RIOX2: variants seen among roughly 807,000 people sequenced by gnomAD.
RIOX2 encodes 60S ribosomal protein L27a histidine hydroxylase.
RIOX2 carries 43 observed loss-of-function variants against 51.2 expected under a neutral mutation model. The observed-to-expected ratio is 0.84, with a 90% confidence interval of 0.66 to 1.08. The LOEUF (loss-of-function observed/expected upper bound fraction) is 1.08. RIOX2 is among the 50% of genes least tolerant of loss of function. The pLI is 0.00. For missense variants in RIOX2, 566 were observed against 561.7 expected, an observed-to-expected ratio of 1.01 and a Z score of -0.08; for synonymous variants, 226 against 218.5, an observed-to-expected ratio of 1.03 and a Z score of -0.30.
rs1049912104 is a variant in RIOX2 at position 97,944,546 on chromosome 3, G to A, written c.*638C>T. On this transcript the variant is annotated 3_prime_UTR_variant, in exon 10 of 10. Transcript: ENST00000394198. ...AAATAACAATGACTATTTTAAACTCGAAGACCCACTATTTTGAGTATTTTT... is the reference window on the plus strand; with the variant it reads ...AAATAACAATGACTATTTTAAACTCAAAGACCCACTATTTTGAGTATTTTT... The A allele has an allele frequency of 2.0e-5, 3 of 152,090 alleles. No homozygotes were observed. The highest frequency in any genetic ancestry group is 1.3e-4 in the Admixed American group (2 of 15,184). The allele number at this position is 152,090 out of a possible 1,614,324, so 9.4% of individuals were successfully genotyped here.
Position 97,943,591 on chromosome 3 carries a change from GTTTAT to G in RIOX2, c.*1588_*1592del, listed in dbSNP as rs959884907. 11 of 363,838 alleles carry G rather than the reference GTTTAT, an allele frequency of 3.0e-5. No homozygotes were observed. The highest frequency in any genetic ancestry group is 1.5e-4 in the African/African-American group (7 of 45,632). 22.5% of individuals were successfully genotyped at this position (363,838 alleles called of 1,614,324 possible). On this transcript the variant is annotated 3_prime_UTR_variant, in exon 10 of 10. Coordinates refer to ENST00000394198, the MANE Select transcript of RIOX2 (RefSeq NM_153182.4). ...CTGTGGTGAGCAAGTTTCCTGAAGT[GTTTAT>G]TTTCTCTCATATCCACCAAACGTGA...
chr3:97,941,962 A>G lies in RIOX2; in HGVS notation c.*3222T>C, dbSNP rs2040240349. 5.5e-6 allele frequency: 1 copy of G among 181,762 alleles called. No homozygotes were observed. The highest frequency in any genetic ancestry group is 1.1e-5 in the Non-Finnish European group (1 of 88,470). The allele number at this position is 181,762 out of a possible 1,614,324, so 11.3% of individuals were successfully genotyped here. A position where few individuals can be genotyped will look rare whatever the true frequency, so the allele number is the denominator to read the frequency against. ...TTTTCATAAGAAAACCAAGCTCAAC[A>G]TAATACGTTTTAAGCAAACAGGGAT... On this transcript the variant is annotated 3_prime_UTR_variant, in exon 10 of 10. Transcript: ENST00000394198.
intron 4 of RIOX2, among the ~76,000 whole-genome samples, chr3:97,958,075 T>C (rs1322558678): frequency 6.6e-6 from 1 of 152,224 alleles, no homozygotes; most frequent in African/African-American, 2.4e-5. Flanking sequence ...CTGTTGTTTA[T>C]TGATTTAAGT....
At chr3:97,962,341 G>C (rs1705711225) in intron 2 of RIOX2, among the ~76,000 whole-genome samples, 1 of 129,106 alleles carries the variant, frequency 7.7e-6, no homozygotes, top group African/African-American at 2.9e-5. Flanking sequence ...GGAATGTTAA[G>C]TTTGGAATGC....
intron 1 of RIOX2, chr3:97,971,886 T>TA (rs934246006): frequency 1.3e-5 from 2 of 152,386 alleles, no homozygotes; most frequent in African/African-American, 4.8e-5. Context: ...GCATATGATG[T>TA]AATGCAGCTG....
intron 1 of RIOX2, among the ~76,000 whole-genome samples, chr3:97,970,900 C>T (rs1056140353): frequency 1.3e-5 from 2 of 152,118 alleles, no homozygotes; most frequent in African/African-American, 4.8e-5. Context: ...GACATGAAGA[C>T]GTGAGGAAGC....
chr3:97,967,551 C>T lies in RIOX2; in HGVS notation c.43G>A (p.Gly15Arg). Residue 15 changes from glycine (G) to arginine (R), a missense_variant, in exon 2 of 10, where the codon GGG (glycine) becomes AGG (arginine). Gly to Arg is a moderately radical substitution (Grantham distance 125, BLOSUM62 -2). Coordinates refer to ENST00000394198, the MANE Select transcript of RIOX2 (RefSeq NM_153182.4). ...TTCATCTGCTTACAGGGAGCCGGCC[C>T]CTCTTCCTTCCCACTCCCTGTAGGC... ...AKPTGSGKEE[G>R]PAPCKQMKLE... 1 of 1,610,742 alleles carries T rather than the reference C, an allele frequency of 6.2e-7. No individual in the cohort carries two copies. The highest frequency in any genetic ancestry group is 8.5e-7 in the Non-Finnish European group (1 of 1,178,938).
intron 4 of RIOX2, among the ~76,000 whole-genome samples, chr3:97,955,937 C>T (rs1043789382): frequency 6.6e-6 from 1 of 151,916 alleles, no homozygotes; most frequent in East Asian, 1.9e-4. Context: ...TAAACGTGGA[C>T]AAGAAAAAAC....
At chr3:97,958,390 C>A (rs920785555) in intron 4 of RIOX2, among the ~76,000 whole-genome samples, 1 of 152,176 alleles carries the variant, frequency 6.6e-6, no homozygotes, top group African/African-American at 2.4e-5. Context: ...TCCTCAACAA[C>A]CTCTTCTGCT....
At chr3:97,958,477 C>T (rs1705539089) in intron 4 of RIOX2, among the ~76,000 whole-genome samples, 1 of 152,166 alleles carries the variant, frequency 6.6e-6, no homozygotes, top group South Asian at 2.1e-4. Flanking sequence ...AAGGAACCTG[C>T]ACATGATTAA....
Position 97,967,453 on chromosome 3 carries a change from C to G in RIOX2, c.141G>C (p.Ser47=). 1.2e-6 allele frequency: 2 copies of G among 1,614,058 alleles called. No individual in the cohort carries two copies. The highest frequency in any genetic ancestry group is 1.7e-5 in the Admixed American group (1 of 60,002). Residue 47 remains serine, a synonymous_variant, in exon 2 of 10, where the codon TCG becomes TCC. Transcript: ENST00000394198. ...SPSSLFESLI[S]PIKTETFFKE... is the part of the protein sequence containing the mutation. ...TGAAAAAAGTCTCTGTCTTGATGGG[C>G]GAGATTAAACTTTCAAAGAGACTAC...
chr3:97,952,402 C>T (rs1184581329), intron 5 of RIOX2: 2 of 410,242 alleles, frequency 4.9e-6, no homozygotes, highest in Non-Finnish European at 9.3e-6. Flanking sequence ...GGCAGCCGGC[C>T]AGTTCCTCAC....
intron 4 of RIOX2, among the ~76,000 whole-genome samples, chr3:97,958,556 A>G (rs1705542384): frequency 6.6e-6 from 1 of 152,202 alleles, no homozygotes; most frequent in African/African-American, 2.4e-5. Context: ...GTAACTATGC[A>G]GGGGGCACAG....
In RIOX2 at chr3:97,942,259, A is replaced by G. The variant is rs376644632; in HGVS notation, c.*2925T>C. On this transcript the variant is annotated 3_prime_UTR_variant, in exon 10 of 10. Transcript: ENST00000394198. ...TACTTTAGCAAACATACTACTGCCA[A>G]TTAATCATTTCTTAACCCTTTTAGG... The G allele has an allele frequency of 4.4e-6, 7 of 1,575,990 alleles. No individual in the cohort carries two copies. The highest frequency in any genetic ancestry group is 1.4e-5 in the African/African-American group (1 of 73,912).
intron 2 of RIOX2, among the ~76,000 whole-genome samples, chr3:97,961,943 G>A (rs576412943): frequency 7.2e-5 from 11 of 152,186 alleles, no homozygotes; most frequent in Non-Finnish European, 1.5e-4. Flanking sequence ...GACTGACAAG[G>A]TGGGCAATTG....
rs80260488 is a variant in RIOX2, at chr3:97,944,842, A to C, written c.*342T>G. 893 of 168,394 alleles carry C rather than the reference A, an allele frequency of 5.3e-3. 24 individuals carry two copies. The East Asian group carries it at 0.06, about 11-fold the overall frequency. 10.4% of individuals were successfully genotyped at this position (168,394 alleles called of 1,614,324 possible). ...GTTTGAAATTTTTCTAGAGCCAAAG[A>C]AGCTCTTTAAAGAAGTTGTTTCTTC... On this transcript the variant is annotated 3_prime_UTR_variant, in exon 10 of 10. Transcript: ENST00000394198.
rs755796673 is a variant in RIOX2 at position 97,967,542 on chromosome 3, G to A, written c.52C>T (p.Pro18Ser). 4 of 1,612,156 alleles carry A rather than the reference G, an allele frequency of 2.5e-6. No individual in the cohort carries two copies. The Admixed American group carries it at 5.0e-5, about 20-fold the overall frequency. Residue 18 changes from proline to serine, a missense_variant, in exon 2 of 10, where the codon CCC (proline) becomes TCC (serine). Physicochemically the swap from Pro to Ser is moderately conservative, Grantham distance 74 (BLOSUM62 -1). Coordinates refer to ENST00000394198, the MANE Select transcript of RIOX2 (RefSeq NM_153182.4). Reference sequence around the variant, plus strand: ...GCTTCTAACTTCATCTGCTTACAGGGAGCCGGCCCCTCTTCCTTCCCACTC... The same window carrying A: ...GCTTCTAACTTCATCTGCTTACAGGAAGCCGGCCCCTCTTCCTTCCCACTC... ...TGSGKEEGPA[P>S]CKQMKLEAAG...
Position 97,945,031 on chromosome 3 carries a change from T to C in RIOX2, c.*153A>G, listed in dbSNP as rs778430386. 51 of 567,192 alleles carry C rather than the reference T, an allele frequency of 9.0e-5. No homozygotes were observed. Among genetic ancestry groups the C allele is most frequent in the Non-Finnish European group, 1.3e-4 (44 of 336,034 alleles). 35.1% of individuals were successfully genotyped at this position (567,192 alleles called of 1,614,324 possible). A position where few individuals can be genotyped will look rare whatever the true frequency, so the allele number is the denominator to read the frequency against. ...TTCTTTCATGTGCCCGTTAGTACAT[T>C]TGGCCAACTGACCACCTGTAACAGG... On this transcript the variant is annotated 3_prime_UTR_variant, in exon 10 of 10. Coordinates refer to ENST00000394198, the MANE Select transcript of RIOX2 (RefSeq NM_153182.4).
chr3:97,969,817 C>G (rs1023724511), intron 1 of RIOX2, among the ~76,000 whole-genome samples: 1 of 152,234 alleles, frequency 6.6e-6, no homozygotes, highest in African/African-American at 2.4e-5. Flanking sequence ...CCCAGAACTT[C>G]ACCCATGTGC....
Sources: gnomAD v4.1 joint callset for allele counts (sites outside exome capture counted in the v4.1 genomes callset) on GRCh38, gnomAD v4.1.1 for gene constraint, MANE v1.5 for transcripts, NCBI Gene and HGNC (gene_info 2026-07-23, HGNC 2026-07-21) for gene names.